Variants in MICAL3 observed in about 807,000 individuals in gnomAD.
The protein encoded by MICAL3 is [F-actin]-monooxygenase MICAL3.
A neutral mutation model predicts 207.4 loss-of-function variants in MICAL3; 62 were observed. That is an observed-to-expected ratio of 0.30 (90% CI 0.24 to 0.37). MICAL3 has a LOEUF of 0.37. MICAL3 is among the 10% of genes least tolerant of loss of function. The pLI is 1.00. For synonymous variants in MICAL3, 1,077 were observed against 1,069.3 expected, an observed-to-expected ratio of 1.01 and a Z score of -0.14; for missense variants, 2,368 against 2,635.6, an observed-to-expected ratio of 0.90 and a Z score of 2.22.
chr22:17,879,291 G>A (rs778618178), intron 16 of MICAL3: 7 of 1,493,712 alleles, frequency 4.7e-6, no homozygotes, highest in South Asian at 2.5e-5. Context: ...CCACCACAGC[G>A]TGCCCCGTGT....
chr22:17,818,530 G>A lies in MICAL3; in HGVS notation c.4131C>T (p.Leu1377=). 1.2e-6 allele frequency: 2 copies of A among 1,613,424 alleles called. No individual in the cohort carries two copies. The highest frequency in any genetic ancestry group is 8.5e-7 in the Non-Finnish European group (1 of 1,179,872). The change falls in exon 26 of 32, where the codon CTC becomes CTT. Residue 1377 remains leucine (L), a synonymous_variant. Coordinates refer to ENST00000441493, the MANE Select transcript of MICAL3 (RefSeq NM_015241.3). ...GGATGGACAGAGGCTTGAGAAGGTG[G>A]AGTCCCTCATCCTGGGGGGACTTTT... ...SVEKSPQDEG[L]HLLKPLSIPK...
At chr22:17,980,488 A>C (rs34596632) in intron 1 of MICAL3, among the ~76,000 whole-genome samples, 24,095 of 152,222 alleles carry the variant, frequency 0.16, 2,443 homozygotes, top group Middle Eastern at 0.24. Context: ...CTAGTGGGCA[A>C]GGACAACTTT....
At chr22:17,864,731 C>T (rs1451329176) in intron 19 of MICAL3, 168 bp downstream of exon 19, 7 of 1,613,512 alleles carry the variant, frequency 4.3e-6, no homozygotes, top group Middle Eastern at 1.6e-4. Context: ...AGAAAGGGGA[C>T]TCCGAACGCA....
At position 17,877,558 on chromosome 22, in the gene MICAL3, T is replaced by TGGAGGTTAG. The variant is rs1322893131; in HGVS notation, c.2242-5544_2242-5536dup. 2.6e-3 allele frequency among the ~76,000 whole-genome samples: 187 copies of TGGAGGTTAG among 72,310 alleles called. 6 individuals are homozygous for TGGAGGTTAG. The highest frequency in any genetic ancestry group is 7.5e-3 in the African/African-American group (179 of 23,798). 47.4% of individuals were successfully genotyped at this position (72,310 alleles called of 152,430 possible). ...GAGGTTATGGAGGTGAGGGAGGTTA[T>TGGAGGTTAG]GGAGGTTAGGGAGGTTAGGGAAGTT... is the stretch of plus-strand genomic sequence containing the variant. On this transcript the variant is annotated intron_variant, in intron 16 of 31. Transcript: ENST00000441493.
At position 17,861,742 on chromosome 22, in the gene MICAL3, T is replaced by C. The variant is rs1926535203; in HGVS notation, c.2605+3157A>G. On this transcript the variant is annotated intron_variant, in intron 19 of 31. Coordinates refer to ENST00000441493, the MANE Select transcript of MICAL3 (RefSeq NM_015241.3). ...TATAAGCTTGGAAACACAGCATTCA[T>C]AGATTTAAGAACAAAAAAGAGGATT... 5 of 985,370 alleles carry C rather than the reference T, an allele frequency of 5.1e-6. No individual in the cohort carries two copies. The African/African-American group carries it at 7.0e-5, about 14-fold the overall frequency. 61.0% of individuals were successfully genotyped at this position (985,370 alleles called of 1,614,324 possible).
chr22:17,978,227 T>C (rs901306090), intron 1 of MICAL3, among the ~76,000 whole-genome samples: 2 of 152,248 alleles, frequency 1.3e-5, no homozygotes, highest in East Asian at 3.8e-4. Flanking sequence ...AATGAAATTC[T>C]GACACATGCT....
intron 1 of MICAL3, among the ~76,000 whole-genome samples, chr22:17,992,702 G>A (rs1448113376): frequency 5.3e-5 from 8 of 152,068 alleles, no homozygotes; most frequent in East Asian, 1.9e-4. Context: ...CACTAAACCC[G>A]GAGGCCGCCA....
At chr22:18,018,807 C>G (rs1924246632) in intron 1 of MICAL3, among the ~76,000 whole-genome samples, 1 of 152,212 alleles carries the variant, frequency 6.6e-6, no homozygotes, top group East Asian at 1.9e-4. Context: ...CACACACACA[C>G]AGTATACAAA....
intron 19 of MICAL3, among the ~76,000 whole-genome samples, chr22:17,850,997 G>A (rs768347459): frequency 9.2e-5 from 14 of 152,160 alleles, no homozygotes; most frequent in Non-Finnish European, 2.1e-4. Context: ...GCTTCTTGGC[G>A]TTGGGAGGCT....
intron 1 of MICAL3, among the ~76,000 whole-genome samples, chr22:17,909,822 G>A (rs569891450): frequency 4.2e-4 from 64 of 152,326 alleles, no homozygotes; most frequent in African/African-American, 1.5e-3. Flanking sequence ...GGTGACAGCT[G>A]ACAACCCATG....
intron 1 of MICAL3, among the ~76,000 whole-genome samples, chr22:18,021,514 G>A (rs1924475401): frequency 6.6e-6 from 1 of 152,230 alleles, no homozygotes; most frequent in Non-Finnish European, 1.5e-5. Context: ...TGTCTCAAGA[G>A]GTCAGGCTGA....
intron 1 of MICAL3, among the ~76,000 whole-genome samples, chr22:17,974,948 C>T (rs1393790667): frequency 3.9e-5 from 6 of 152,172 alleles, no homozygotes; most frequent in Non-Finnish European, 2.9e-5. Flanking sequence ...TGTATGGTTT[C>T]TATGTGGTAG....
intron 1 of MICAL3, among the ~76,000 whole-genome samples, chr22:17,988,481 G>A (rs1203275915): frequency 6.6e-6 from 1 of 152,228 alleles, no homozygotes; most frequent in Non-Finnish European, 1.5e-5. Context: ...CTGAGACGGA[G>A]TCTCACTCTG....
intron 1 of MICAL3, among the ~76,000 whole-genome samples, chr22:17,956,802 G>A (rs1035823902): frequency 6.6e-6 from 1 of 152,194 alleles, no homozygotes; most frequent in African/African-American, 2.4e-5. Flanking sequence ...AGGTGCTCAC[G>A]TGAGAGACAC....
Position 17,932,650 on chromosome 22 carries a change from G to C in MICAL3, c.-74-25764C>G, listed in dbSNP as rs563231439. ...CAATATTAACCTTAAATGTAAATGG[G>C]CTAAATGCTCCAATTAAAAGACACA... On this transcript the variant is annotated intron_variant, in intron 1 of 31. Coordinates refer to ENST00000441493, the MANE Select transcript of MICAL3 (RefSeq NM_015241.3). Among the ~76,000 whole-genome samples the C allele has an allele frequency of 6.5e-3, 990 of 152,204 alleles. 10 individuals carry two copies. The highest frequency in any genetic ancestry group is 0.023 in the African/African-American group (958 of 41,512).
At chr22:17,893,292 C>T (rs890909391) in intron 11 of MICAL3, among the ~76,000 whole-genome samples, 1 of 152,158 alleles carries the variant, frequency 6.6e-6, no homozygotes, top group Non-Finnish European at 1.5e-5. Context: ...ACCCCTCTCA[C>T]GTGTGGCTGA....
Position 17,900,712 on chromosome 22 carries a change from G to T in MICAL3, c.847+130C>A. ...TGCGCTAGGAAGAAGGAACAGGAGT[G>T]AAAAGAGCAGGAGGGGCAGACAGTG... On this transcript the variant is annotated intron_variant, in intron 6 of 31. Transcript: ENST00000441493. This position sits in a 1 kb window ranked among gnomAD's most constrained non-coding sequence, Gnocchi z 4.0. 1.4e-6 allele frequency: 1 copy of T among 707,004 alleles called. No individual in the cohort carries two copies. Among genetic ancestry groups the T allele is most frequent in the Non-Finnish European group, 2.4e-6 (1 of 421,646 alleles). 43.8% of individuals were successfully genotyped at this position (707,004 alleles called of 1,614,324 possible).
chr22:17,947,542 A>G (rs1934131821), intron 1 of MICAL3, among the ~76,000 whole-genome samples: 1 of 152,178 alleles, frequency 6.6e-6, no homozygotes, highest in Non-Finnish European at 1.5e-5. Flanking sequence ...ATGAAAGAAA[A>G]GATGCCTCAA....
intron 21 of MICAL3, among the ~76,000 whole-genome samples, chr22:17,828,677 C>T (rs1292904142): frequency 6.6e-6 from 1 of 152,210 alleles, no homozygotes; most frequent in Admixed American, 6.5e-5. Flanking sequence ...GGAAACTCAC[C>T]AGTGGCCCCT....
Sources: allele counts gnomAD v4.1 joint callset (sites outside exome capture counted in the v4.1 genomes callset), GRCh38; gene constraint gnomAD v4.1.1; non-coding constraint Gnocchi (gnomAD v3.1); transcripts MANE v1.5; gene names NCBI Gene and HGNC (gene_info 2026-07-23, HGNC 2026-07-21).